The following MB21D2 variants were observed in gnomAD, a reference collection of about 807,000 sequenced individuals.
MB21D2 encodes Mab-21 domain containing 2.
MB21D2 carries 9 observed loss-of-function variants against 33.3 expected under a neutral mutation model. That is an observed-to-expected ratio of 0.27 (90% CI 0.16 to 0.47). MB21D2 has a LOEUF of 0.47. Among genes scored for constraint, MB21D2 ranks in the 20% least tolerant of loss-of-function variants. MB21D2 has a pLI of 0.99. For synonymous variants in MB21D2, 241 were observed against 236.3 expected, an observed-to-expected ratio of 1.02 and a Z score of -0.18; for missense variants, 540 against 624.6, an observed-to-expected ratio of 0.86 and a Z score of 1.44.
chr3:192,898,475 G>C (rs1216354892), intron 1 of MB21D2, among the ~76,000 whole-genome samples: 6 of 152,156 alleles, frequency 3.9e-5, no homozygotes, highest in African/African-American at 1.4e-4. Context: ...AGAGGTGGGA[G>C]ACTAGGAAGG....
At chr3:192,842,141 A>ACCT (rs1376901855) in intron 1 of MB21D2, among the ~76,000 whole-genome samples, 1 of 152,324 alleles carries the variant, frequency 6.6e-6, no homozygotes, top group Admixed American at 6.5e-5. Flanking sequence ...AGAGAGGTCA[A>ACCT]CCAGGAGCCT....
At chr3:192,834,280 G>A (rs1280476954) in intron 1 of MB21D2, among the ~76,000 whole-genome samples, 1 of 150,260 alleles carries the variant, frequency 6.7e-6, no homozygotes, top group Non-Finnish European at 1.5e-5. Flanking sequence ...TCATGCCATT[G>A]CACTCCAGCC....
At chr3:192,883,403 C>A (rs1289856973) in intron 1 of MB21D2, among the ~76,000 whole-genome samples, 1 of 151,974 alleles carries the variant, frequency 6.6e-6, no homozygotes, top group African/African-American at 2.4e-5. Context: ...TAGTTTGTAG[C>A]ATAGCATGAG....
intron 1 of MB21D2, among the ~76,000 whole-genome samples, chr3:192,913,217 G>A (rs1302324211): frequency 1.3e-5 from 2 of 152,044 alleles, no homozygotes; most frequent in Non-Finnish European, 2.9e-5. Context: ...GCAACATGGC[G>A]AAACCCTGTC....
chr3:192,851,071 G>A (rs7651439), intron 1 of MB21D2, among the ~76,000 whole-genome samples: 93,316 of 152,036 alleles, frequency 0.61, 31,004 homozygotes, highest in African/African-American at 0.87. Flanking sequence ...TTATGAAGAC[G>A]AATGAATTTA....
intron 1 of MB21D2, among the ~76,000 whole-genome samples, chr3:192,840,368 C>A (rs920902660): frequency 9.3e-5 from 14 of 150,688 alleles, no homozygotes; most frequent in Non-Finnish European, 1.3e-4. Context: ...ATTCAACCAC[C>A]GTAACTTTGT....
intron 1 of MB21D2, among the ~76,000 whole-genome samples, chr3:192,800,580 A>G (rs1345628426): frequency 6.6e-6 from 1 of 152,192 alleles, no homozygotes; most frequent in East Asian, 1.9e-4. Flanking sequence ...GAGAAGAAAA[A>G]TAAGTTATTT....
chr3:192,896,438 C>T (rs1450046245), intron 1 of MB21D2, among the ~76,000 whole-genome samples: 2 of 92,414 alleles, frequency 2.2e-5, no homozygotes, highest in East Asian at 2.6e-4. Context: ...ACTGCAACTT[C>T]GACCTCTGGG....
At chr3:192,882,595 C>T (rs1422475910) in intron 1 of MB21D2, among the ~76,000 whole-genome samples, 4 of 151,984 alleles carry the variant, frequency 2.6e-5, no homozygotes, top group Non-Finnish European at 2.9e-5. Context: ...GACTGTTTAC[C>T]ATTGGTTATG....
intron 1 of MB21D2, among the ~76,000 whole-genome samples, chr3:192,848,863 T>C (rs999026913): frequency 7.2e-5 from 11 of 152,256 alleles, no homozygotes; most frequent in African/African-American, 2.4e-4. Context: ...GCTTCCACTA[T>C]GGAAAGTGCT....
chr3:192,915,809 T>C (rs944779675), intron 1 of MB21D2, among the ~76,000 whole-genome samples: 5 of 152,168 alleles, frequency 3.3e-5, no homozygotes, highest in Non-Finnish European at 5.9e-5. Flanking sequence ...TTACCCTCCC[T>C]ACATTATCCC....
chr3:192,829,415 G>C (rs1482693433), intron 1 of MB21D2, among the ~76,000 whole-genome samples: 2 of 152,198 alleles, frequency 1.3e-5, no homozygotes, highest in Non-Finnish European at 2.9e-5. Context: ...CATTTTTTAA[G>C]GGTGGATGTG....
At position 192,878,761 on chromosome 3, in the gene MB21D2, C is replaced by T. The variant is rs937908173; in HGVS notation, c.211+38869G>A. 2.0e-5 allele frequency among the ~76,000 whole-genome samples: 3 copies of T among 152,118 alleles called. No homozygotes were observed. The South Asian group carries it at 6.2e-4, about 31-fold the overall frequency. The stretch of plus-strand genomic sequence containing the variant: ...AGCGGATCGCTTGAGGTCAGGATTT[C>T]GAGATCAGCCTGGCCAACGTCGTGA... On this transcript the variant is annotated intron_variant, in intron 1 of 1. Transcript: ENST00000392452.
At chr3:192,807,925 T>C (rs1711701571) in intron 1 of MB21D2, among the ~76,000 whole-genome samples, 1 of 151,980 alleles carries the variant, frequency 6.6e-6, no homozygotes, top group Non-Finnish European at 1.5e-5. Flanking sequence ...AACCAAGTTT[T>C]ATTTTTCATT....
chr3:192,887,677 T>C (rs1418984097), intron 1 of MB21D2, among the ~76,000 whole-genome samples: 1 of 152,172 alleles, frequency 6.6e-6, no homozygotes, highest in African/African-American at 2.4e-5. Context: ...TTTTAAATAA[T>C]GGCTTAGCCC....
intron 1 of MB21D2, among the ~76,000 whole-genome samples, chr3:192,863,113 G>C (rs905112763): frequency 6.6e-6 from 1 of 152,156 alleles, no homozygotes; most frequent in African/African-American, 2.4e-5. Context: ...CCAAACCATA[G>C]CAATCATTAT....
At chr3:192,905,939 T>C (rs1714207452) in intron 1 of MB21D2, among the ~76,000 whole-genome samples, 1 of 152,226 alleles carries the variant, frequency 6.6e-6, no homozygotes, top group African/African-American at 2.4e-5. Context: ...TTTAGTGACC[T>C]TGAATGAGTT....
At position 192,904,147 on chromosome 3, in the gene MB21D2, G is replaced by T. The variant is rs116132327; in HGVS notation, c.211+13483C>A. Reference sequence around the variant, plus strand: ...CTGGAACACGGTTCGCAATATTTTAGTGTGGTTATTATTATTTTCAAACGT... The same window carrying T: ...CTGGAACACGGTTCGCAATATTTTATTGTGGTTATTATTATTTTCAAACGT... On this transcript the variant is annotated intron_variant, in intron 1 of 1. Coordinates refer to ENST00000392452, the MANE Select transcript of MB21D2 (RefSeq NM_178496.4). Among the ~76,000 whole-genome samples, 511 of 152,266 alleles carry T rather than the reference G, an allele frequency of 3.4e-3. 7 individuals are homozygous for T. The highest frequency in any genetic ancestry group is 0.011 in the African/African-American group (469 of 41,546).
At chr3:192,804,289 C>A (rs1252471877) in intron 1 of MB21D2, among the ~76,000 whole-genome samples, 1 of 152,132 alleles carries the variant, frequency 6.6e-6, no homozygotes, top group Non-Finnish European at 1.5e-5. Flanking sequence ...ATTGCTAATA[C>A]TAGAGCACAA....
Sources: gnomAD v4.1 joint callset for allele counts (sites outside exome capture counted in the v4.1 genomes callset) on GRCh38, gnomAD v4.1.1 for gene constraint, MANE v1.5 for transcripts, NCBI Gene and HGNC (gene_info 2026-07-23, HGNC 2026-07-21) for gene names.